CACNA1I: variants seen among roughly 807,000 people sequenced by gnomAD.
CACNA1I encodes voltage-dependent T-type calcium channel subunit alpha-1I.
Under a neutral mutation model 201.6 loss-of-function variants are expected in CACNA1I, and 74 were observed. That is an observed-to-expected ratio of 0.37 (90% CI 0.30 to 0.45). The LOEUF is 0.45. Among genes scored for constraint, CACNA1I ranks in the 20% least tolerant of loss-of-function variants. The pLI, the probability that CACNA1I is intolerant of heterozygous loss-of-function variation, is 1.00. For synonymous variants in CACNA1I, 1,431 were observed against 1,345.2 expected (o/e 1.06, Z -1.40); for missense variants, 2,346 against 3,138.1 (o/e 0.75, Z 6.03).
At position 39,652,132 on chromosome 22, in the gene CACNA1I, C is replaced by T. The variant is rs556441697; in HGVS notation, c.1992+2207C>T. Reference sequence around the variant, plus strand: ...CACTGCAACCTCCCCCTCCCAGGTTCAAGCAATTCTCCAGGCGTGTGCCAC... The same window carrying T: ...CACTGCAACCTCCCCCTCCCAGGTTTAAGCAATTCTCCAGGCGTGTGCCAC... On this transcript the variant is annotated intron_variant, in intron 10 of 36. Transcript: ENST00000402142. 4.0e-5 allele frequency among the ~76,000 whole-genome samples: 6 copies of T among 151,730 alleles called. No individual in the cohort carries two copies. In the East Asian group the frequency reaches 5.8e-4, roughly 15 times the overall value.
chr22:39,655,383 C>T (rs548843643), intron 10 of CACNA1I, among the ~76,000 whole-genome samples: 1 of 152,222 alleles, frequency 6.6e-6, no homozygotes, highest in East Asian at 1.9e-4. Flanking sequence ...ACTGCTGCCC[C>T]CTACCTCCTG....
rs771193047 is a variant in CACNA1I, at chr22:39,686,375, G to A, written c.6642G>A (p.Pro2214=). 3.8e-6 allele frequency: 5 copies of A among 1,299,684 alleles called. No individual in the cohort carries two copies. Among genetic ancestry groups the A allele is most frequent in the African/African-American group, 3.1e-5 (2 of 63,954 alleles). The allele number at this position is 1,299,684 out of a possible 1,614,324, so 80.5% of individuals were successfully genotyped here. A position where few individuals can be genotyped will look rare whatever the true frequency, so the allele number is the denominator to read the frequency against. The change falls in exon 37 of 37, where the codon CCG becomes CCA. Residue 2214 remains proline, a synonymous_variant. Coordinates refer to ENST00000402142, the MANE Select transcript of CACNA1I (RefSeq NM_021096.4). Reference sequence around the variant, plus strand: ...AACCGCTCCCCGGAGAGCTGGAGCCGGGAGACGCCGCCAGCAAGAGGAAGA... The same window carrying A: ...AACCGCTCCCCGGAGAGCTGGAGCCAGGAGACGCCGCCAGCAAGAGGAAGA... ...PPQPLPGELE[P]GDAASKRKR
At chr22:39,619,680 T>C (rs539277586) in intron 4 of CACNA1I, among the ~76,000 whole-genome samples, 83 of 152,224 alleles carry the variant, frequency 5.5e-4, no homozygotes, top group Non-Finnish European at 8.5e-4. Flanking sequence ...GAGTCTGGCT[T>C]TTCAGGGACG....
rs1177475678 is a variant in CACNA1I at position 39,684,487 on chromosome 22, C to T, written c.6016C>T (p.Leu2006Phe). ...SLRSPRVNCT[L>F]LRQATGSDTS... ...GCGGTCACCAAGGGTCAACTGTACCCTCCTCCGGCAGGTACCGACACCTCC... is the reference window on the plus strand; with the variant it reads ...GCGGTCACCAAGGGTCAACTGTACCTTCCTCCGGCAGGTACCGACACCTCC... The change falls in exon 36 of 37, where the codon CTC becomes TTC. Residue 2006 changes from leucine (L) to phenylalanine (F), a missense_variant. Physicochemically the swap from Leu to Phe is conservative, Grantham distance 22. Coordinates refer to ENST00000402142, the MANE Select transcript of CACNA1I (RefSeq NM_021096.4). This position sits in a 1 kb window ranked among gnomAD's most constrained non-coding sequence, Gnocchi z 4.6. 1 of 1,612,896 alleles carries T rather than the reference C, an allele frequency of 6.2e-7. No homozygotes were observed. The highest frequency in any genetic ancestry group is 2.2e-5 in the East Asian group (1 of 44,854).
Position 39,679,279 on chromosome 22 carries a change from A to G in CACNA1I, c.5228A>G (p.Asp1743Gly). ...GACAGCAACAAGGAGGCGCAGGAGG[A>G]CGCCGAGATGGATGCCGAGCTCGAG... ...LDDSNKEAQE[D>G]AEMDAELELE... The change falls in exon 32 of 37, where the codon GAC becomes GGC. Residue 1743 changes from aspartate (D) to glycine (G), a missense_variant. This residue lies in a region of CACNA1I where 441 missense variants were observed against 555.6 expected (regional missense o/e 0.79). Transcript: ENST00000402142. The G allele has an allele frequency of 6.3e-7, 1 of 1,576,560 alleles. No individual in the cohort carries two copies. Among genetic ancestry groups the G allele is most frequent in the Non-Finnish European group, 8.6e-7 (1 of 1,161,972 alleles).
chr22:39,660,323 A>G (rs1212845556), intron 14 of CACNA1I, 21 bp from the exon 15 acceptor site: 1 of 1,597,940 alleles, frequency 6.3e-7, no homozygotes, highest in Non-Finnish European at 8.6e-7. Flanking sequence ...CTGCATTCTA[A>G]CGTGACGGAT....
Position 39,578,822 on chromosome 22 carries a change from G to A in CACNA1I, c.236+7834G>A, listed in dbSNP as rs183380237. 2.0e-5 allele frequency among the ~76,000 whole-genome samples: 3 copies of A among 152,244 alleles called. No individual in the cohort carries two copies. In the East Asian group the frequency reaches 5.8e-4, roughly 29 times the overall value. ...CCCTATTCTTCCCGTTCTTTCCCTTGGGGTCCAGTGCTCTGTTTTGAAGCC... is the reference window on the plus strand; with the variant it reads ...CCCTATTCTTCCCGTTCTTTCCCTTAGGGTCCAGTGCTCTGTTTTGAAGCC... On this transcript the variant is annotated intron_variant, in intron 1 of 36. Transcript: ENST00000402142.
intron 1 of CACNA1I, among the ~76,000 whole-genome samples, chr22:39,593,208 A>G (rs556129013): frequency 6.6e-5 from 10 of 152,328 alleles, no homozygotes; most frequent in Admixed American, 4.6e-4. Flanking sequence ...ACTGCTGTGA[A>G]TCAGACAATC....
chr22:39,610,919 G>T (rs562639948), intron 3 of CACNA1I, among the ~76,000 whole-genome samples: 1 of 152,280 alleles, frequency 6.6e-6, no homozygotes, highest in East Asian at 1.9e-4. Flanking sequence ...CTGGTGTGGG[G>T]CATGTGCTCA....
At chr22:39,653,488 C>A (rs976529145) in intron 10 of CACNA1I, among the ~76,000 whole-genome samples, 9 of 152,084 alleles carry the variant, frequency 5.9e-5, no homozygotes, top group Non-Finnish European at 1.2e-4. Flanking sequence ...AGGTGGCGCT[C>A]GCAGAGAGAG....
chr22:39,636,794 C>T (rs1934230104), intron 5 of CACNA1I, among the ~76,000 whole-genome samples: 1 of 152,198 alleles, frequency 6.6e-6, no homozygotes, highest in Non-Finnish European at 1.5e-5. Context: ...TCTTTTCGGG[C>T]TCTCCCCAGC....
At position 39,659,520 on chromosome 22, in the gene CACNA1I, C is replaced by G. The variant is rs756845718; in HGVS notation, c.2418C>G (p.Ser806=). 6.2e-7 allele frequency: 1 copy of G among 1,601,712 alleles called. No homozygotes were observed. The highest frequency in any genetic ancestry group is 8.5e-7 in the Non-Finnish European group (1 of 1,173,514). The change falls in exon 13 of 37, where the codon TCC becomes TCG. Residue 806 remains serine (S), a synonymous_variant. Coordinates refer to ENST00000402142, the MANE Select transcript of CACNA1I (RefSeq NM_021096.4). The surrounding 1 kb of genome is among the most constrained non-coding windows in gnomAD (Gnocchi z 4.3). ...DTVPDRKNFD[S]LLWAIVTVFQ... The stretch of plus-strand genomic sequence containing the variant: ...TGCCCGACAGGAAGAACTTCGACTC[C>G]CTGCTGTGGGCCATCGTCACTGTGT...
At position 39,670,041 on chromosome 22, in the gene CACNA1I, G is replaced by A. The variant is rs1445299276; in HGVS notation, c.4198G>A (p.Val1400Met). ...LDAVAVDQQP[V>M]TNHNPWMLLY... ...GCCCTTTCTGACTCCCCTGCAGCCTGTGACCAACCACAACCCCTGGATGCT... is the reference window on the plus strand; with the variant it reads ...GCCCTTTCTGACTCCCCTGCAGCCTATGACCAACCACAACCCCTGGATGCT... The change falls in exon 25 of 37, where the codon GTG (valine) becomes ATG (methionine). Residue 1400 changes from valine to methionine, a missense_variant. Coordinates refer to ENST00000402142, the MANE Select transcript of CACNA1I (RefSeq NM_021096.4). 2 of 1,612,216 alleles carry A rather than the reference G, an allele frequency of 1.2e-6. No individual in the cohort carries two copies. Among genetic ancestry groups the A allele is most frequent in the African/African-American group, 1.3e-5 (1 of 75,012 alleles).
In CACNA1I at chr22:39,661,110, C is replaced by T; in HGVS notation, c.2701C>T (p.Pro901Ser). 1 of 1,613,016 alleles carries T rather than the reference C, an allele frequency of 6.2e-7. No individual in the cohort carries two copies. The highest frequency in any genetic ancestry group is 1.1e-5 in the South Asian group (1 of 90,966). The change falls in exon 16 of 37, where the codon CCC (proline) becomes TCC (serine). Residue 901 changes from proline to serine, a missense_variant and splice_region_variant. Pro to Ser is a moderately conservative substitution (Grantham distance 74, BLOSUM62 -1). This residue lies in a region of CACNA1I where 92 missense variants were observed against 114.5 expected (regional missense o/e 0.80). Transcript: ENST00000402142. ...LQEGLDSSGD[P>S]KLCPIPMTPN... The stretch of plus-strand genomic sequence containing the variant: ...CTGTCTCCATCTCACTCCTCCAGAT[C>T]CCAAGCTCTGCCCAATCCCCATGAC...
chr22:39,600,546 C>G lies in CACNA1I; in HGVS notation c.375C>G (p.Phe125Leu), dbSNP rs577831334. ...LQVFDDFIFI[F>L]FAMEMVLKMV... ...TCTTTGATGACTTCATCTTTATCTT[C>G]TTTGCCATGGAGATGGTGCTCAAGA... Residue 125 changes from phenylalanine to leucine, a missense_variant, in exon 3 of 37, where the codon TTC becomes TTG. Phe to Leu is a conservative substitution (Grantham distance 22). This residue lies in a region of CACNA1I where 227 missense variants were observed against 412.5 expected (regional missense o/e 0.55). Coordinates refer to ENST00000402142, the MANE Select transcript of CACNA1I (RefSeq NM_021096.4). 1.9e-6 allele frequency: 3 copies of G among 1,612,278 alleles called. No homozygotes were observed. Among genetic ancestry groups the G allele is most frequent in the Non-Finnish European group, 2.5e-6 (3 of 1,179,266 alleles).
chr22:39,571,014 G>A (rs1436158610), intron 1 of CACNA1I, 26 bp downstream of exon 1: 3 of 1,590,052 alleles, frequency 1.9e-6, no homozygotes, highest in South Asian at 1.1e-5. Flanking sequence ...TCGGCTGATC[G>A]GGGCCCTGCA....
At position 39,593,160 on chromosome 22, in the gene CACNA1I, A is replaced by T. The variant is rs142530822; in HGVS notation, c.237-4991A>T. Among the ~76,000 whole-genome samples, 960 of 152,330 alleles carry T rather than the reference A, an allele frequency of 6.3e-3. 5 individuals are homozygous for T. The highest frequency in any genetic ancestry group is 9.8e-3 in the Non-Finnish European group (664 of 68,018). The stretch of plus-strand genomic sequence containing the variant: ...GGACCCAGTGCAGTGGGCGAGTTAG[A>T]TGGGCCACAGAGGCAGTGCTGTGCA... On this transcript the variant is annotated intron_variant, in intron 1 of 36. Transcript: ENST00000402142.
At position 39,585,255 on chromosome 22, in the gene CACNA1I, G is replaced by T. The variant is rs146088242; in HGVS notation, c.237-12896G>T. ...TTTTTTGCATTTTAGTAGAGACAGG[G>T]TTTCACCATGTTGGTCAGGCTGGTC... On this transcript the variant is annotated intron_variant, in intron 1 of 36. Transcript: ENST00000402142. 1.6e-3 allele frequency among the ~76,000 whole-genome samples: 236 copies of T among 151,780 alleles called. 9 individuals carry two copies. In the East Asian group the frequency reaches 0.039, roughly 25 times the overall value.
At chr22:39,573,565 C>G (rs993807629) in intron 1 of CACNA1I, among the ~76,000 whole-genome samples, 1 of 152,138 alleles carries the variant, frequency 6.6e-6, no homozygotes, top group African/African-American at 2.4e-5. Flanking sequence ...GACGAATCAC[C>G]CCTTCCAGCC....
Sources: allele counts gnomAD v4.1 joint callset (sites outside exome capture counted in the v4.1 genomes callset), GRCh38; gene constraint gnomAD v4.1.1; regional missense constraint gnomAD v4.1.1; non-coding constraint Gnocchi (gnomAD v3.1); transcripts MANE v1.5; gene names NCBI Gene and HGNC (gene_info 2026-07-23, HGNC 2026-07-21).